The following MAX variants were observed in gnomAD, a reference collection of about 807,000 sequenced individuals.
MAX encodes protein max.
Under a neutral mutation model 22.3 loss-of-function variants are expected in MAX, and 3 were observed. The ratio of observed to expected loss-of-function variants is 0.13; its 90% confidence interval spans 0.06 to 0.35. The LOEUF (loss-of-function observed/expected upper bound fraction) is 0.35. Among genes scored for constraint, MAX ranks in the 10% least tolerant of loss-of-function variants. The pLI, the probability that MAX is intolerant of heterozygous loss-of-function variation, is 1.00. For missense variants in MAX, 119 were observed against 209.4 expected (o/e 0.57, Z 2.66); for synonymous variants, 72 against 77.7 (o/e 0.93, Z 0.39).
At chr14:65,066,784 C>T (rs1268841978) in intron 3 of MAX, among the ~76,000 whole-genome samples, 3 of 150,962 alleles carry the variant, frequency 2.0e-5, no homozygotes, top group Non-Finnish European at 4.4e-5. Flanking sequence ...ATCGCTTGAA[C>T]CCAGGAGGCA....
rs900130967 is a variant in MAX, at chr14:65,075,321, G to C, written c.*1155C>G. On this transcript the variant is annotated 3_prime_UTR_variant, in exon 5 of 5. Coordinates refer to ENST00000358664, the MANE Select transcript of MAX (RefSeq NM_002382.5). The surrounding 1 kb of genome is among the most constrained non-coding windows in gnomAD (Gnocchi z 4.1). ...GAGTAGGAAAAAGACAAAGAAATGAGGCCTAAACACACAAAACCCTTCACT... is the reference window on the plus strand; with the variant it reads ...GAGTAGGAAAAAGACAAAGAAATGACGCCTAAACACACAAAACCCTTCACT... 3 of 1,062,460 alleles carry C rather than the reference G, an allele frequency of 2.8e-6. No homozygotes were observed. Among genetic ancestry groups the C allele is most frequent in the Admixed American group, 1.1e-4 (2 of 18,640 alleles). The allele number at this position is 1,062,460 out of a possible 1,614,324, so 65.8% of individuals were successfully genotyped here. A position where few individuals can be genotyped will look rare whatever the true frequency, so the allele number is the denominator to read the frequency against.
intron 3 of MAX, among the ~76,000 whole-genome samples, chr14:65,050,725 G>C (rs980563569): frequency 7.2e-5 from 11 of 152,172 alleles, no homozygotes; most frequent in Non-Finnish European, 1.5e-4. Flanking sequence ...CTGCAGAGCA[G>C]GGCTACTCCA....
rs539569306 is a variant in MAX, at chr14:65,084,618, C to A, written c.172-6582G>T. ...GAGTCTATGGAAATGGCTACATATA[C>A]AGAGATGTCCATATTATAATTATAA... On this transcript the variant is annotated intron_variant, in intron 3 of 4. Coordinates refer to ENST00000358664, the MANE Select transcript of MAX (RefSeq NM_002382.5). The surrounding 1 kb of genome is among the most constrained non-coding windows in gnomAD (Gnocchi z 4.3). Among the ~76,000 whole-genome samples, 2 of 152,258 alleles carry A rather than the reference C, an allele frequency of 1.3e-5. No individual in the cohort carries two copies. The highest frequency in any genetic ancestry group is 2.4e-5 in the African/African-American group (1 of 41,562).
chr14:65,086,577 T>A (rs774897906), intron 3 of MAX, among the ~76,000 whole-genome samples: 12 of 152,202 alleles, frequency 7.9e-5, no homozygotes, highest in Non-Finnish European at 1.0e-4. Context: ...ACGCTAGAGA[T>A]AAGTGGAACT....
downstream of MAX, among the ~76,000 whole-genome samples, chr14:65,071,694 C>G (rs1264239764): frequency 6.6e-6 from 1 of 152,224 alleles, no homozygotes; most frequent in African/African-American, 2.4e-5. The surrounding 1 kb of genome is among the most constrained non-coding windows in gnomAD (Gnocchi z 4.2). Context: ...GACAGGCGGG[C>G]TCAGAGCCCC....
Position 65,031,409 on chromosome 14 carries a change from C to T in MAX, c.172-25125G>A, listed in dbSNP as rs2062079241. ...CTTGGCTCACTGCAACCCCCGCCTC[C>T]CGGGTTCAAGTGGTTCTCCTGCCTC... On this transcript the variant is annotated intron_variant, in intron 3 of 3. Transcript: ENST00000341653. This position sits in a 1 kb window ranked among gnomAD's most constrained non-coding sequence, Gnocchi z 4.6. Among the ~76,000 whole-genome samples, 1 of 151,520 alleles carries T rather than the reference C, an allele frequency of 6.6e-6. No individual in the cohort carries two copies.
chr14:65,097,831 A>G (rs1219493395), intron 2 of MAX, among the ~76,000 whole-genome samples: 1 of 152,246 alleles, frequency 6.6e-6, no homozygotes, highest in African/African-American at 2.4e-5. Context: ...ATAGGCAGGT[A>G]GGATGGGATA....
downstream of MAX, among the ~76,000 whole-genome samples, chr14:65,073,534 T>C (rs901808961): frequency 3.9e-4 from 59 of 152,314 alleles, no homozygotes; most frequent in African/African-American, 1.3e-3. Flanking sequence ...GACTCCTCAG[T>C]GAAGCCACCT....
Position 65,101,679 on chromosome 14 carries a change from G to C in MAX, c.37-107C>G, listed in dbSNP as rs755777605. On this transcript the variant is annotated intron_variant, in intron 1 of 4. Transcript: ENST00000358664. ...CGGCGGCAGAGGAAGCGGAGGGTGG[G>C]GAGTCAGCCCGACACCCCTTCCTCC... is the stretch of plus-strand genomic sequence containing the variant. The C allele has an allele frequency of 8.5e-5, 73 of 859,276 alleles. No individual in the cohort carries two copies. The South Asian group carries it at 1.0e-3, about 12-fold the overall frequency. 53.2% of individuals were successfully genotyped at this position (859,276 alleles called of 1,614,324 possible). A position where few individuals can be genotyped will look rare whatever the true frequency, so the allele number is the denominator to read the frequency against.
intron 2 of MAX, among the ~76,000 whole-genome samples, chr14:65,095,102 C>A (rs921842682): frequency 2.0e-5 from 3 of 152,196 alleles, no homozygotes; most frequent in Non-Finnish European, 4.4e-5. Context: ...ACTTGAAATT[C>A]TCCTGTTATT....
At position 65,044,733 on chromosome 14, in the gene MAX, G is replaced by GGAA. The variant is rs772524904; in HGVS notation, c.172-38452_172-38450dup. 92 of 417,866 alleles carry GGAA rather than the reference G, an allele frequency of 2.2e-4. No individual in the cohort carries two copies. In the South Asian group the frequency reaches 2.7e-3, roughly 12 times the overall value. The allele number at this position is 417,866 out of a possible 1,614,324, so 25.9% of individuals were successfully genotyped here. Reference sequence around the variant, plus strand: ...AGTGGGCGCTGCTTCTGCGTTATCTGGAAGGAGCAGCCCACTCCTGTCCTG... The same window carrying GGAA: ...AGTGGGCGCTGCTTCTGCGTTATCTGGAAGAAGGAGCAGCCCACTCCTGTCCTG... On this transcript the variant is annotated intron_variant, in intron 3 of 3. Coordinates refer to the MAX transcript ENST00000341653. The surrounding 1 kb of genome is among the most constrained non-coding windows in gnomAD (Gnocchi z 5.5).
chr14:65,015,294 G>C (rs981652767), intron 3 of MAX, among the ~76,000 whole-genome samples: 11 of 151,664 alleles, frequency 7.3e-5, no homozygotes, highest in African/African-American at 2.2e-4. Flanking sequence ...ATAGAGACAG[G>C]GTTTCGCCAT....
intron 3 of MAX, among the ~76,000 whole-genome samples, chr14:65,034,794 A>G (rs1207446868): frequency 6.6e-6 from 1 of 152,032 alleles, no homozygotes; most frequent in Non-Finnish European, 1.5e-5. Context: ...TGTGTCCTGG[A>G]GTTGGCATGT....
intron 3 of MAX, among the ~76,000 whole-genome samples, chr14:65,024,858 A>G (rs572319148): frequency 3.2e-4 from 49 of 152,276 alleles, no homozygotes; most frequent in African/African-American, 1.1e-3. Flanking sequence ...GCTTCAAGCA[A>G]TCCTCCTGCC....
intron 3 of MAX, among the ~76,000 whole-genome samples, chr14:65,081,398 C>G (rs1222856733): frequency 6.6e-6 from 1 of 152,188 alleles, no homozygotes; most frequent in African/African-American, 2.4e-5. Context: ...CAATCCTCCC[C>G]TCCCATCTTT....
rs1241751062 is a variant in MAX, at chr14:65,075,228, A to G, written c.*1248T>C. 12 of 1,054,424 alleles carry G rather than the reference A, an allele frequency of 1.1e-5. No individual in the cohort carries two copies. Among genetic ancestry groups the G allele is most frequent in the African/African-American group, 5.0e-5 (3 of 60,334 alleles). 65.3% of individuals were successfully genotyped at this position (1,054,424 alleles called of 1,614,324 possible). On this transcript the variant is annotated 3_prime_UTR_variant, in exon 5 of 5. Coordinates refer to ENST00000358664, the MANE Select transcript of MAX (RefSeq NM_002382.5). This position sits in a 1 kb window ranked among gnomAD's most constrained non-coding sequence, Gnocchi z 4.1. ...TATGTACAACATACTTTTTATTTCCATGGAATGGAATCAAACACGAACTGA... is the reference window on the plus strand; with the variant it reads ...TATGTACAACATACTTTTTATTTCCGTGGAATGGAATCAAACACGAACTGA...
chr14:65,054,724 AC>A lies in MAX; in HGVS notation c.171+38983del. 2.5e-6 allele frequency: 4 copies of A among 1,572,962 alleles called. No homozygotes were observed. The highest frequency in any genetic ancestry group is 3.5e-6 in the Non-Finnish European group (4 of 1,156,758). On this transcript the variant is annotated intron_variant, in intron 3 of 3. Coordinates refer to the MAX transcript ENST00000341653. The surrounding 1 kb of genome is among the most constrained non-coding windows in gnomAD (Gnocchi z 4.4). ...GTGCAGGGCTTCACACCCCTTCTCC[AC>A]AGGGACCTCGCGGACAGAAGGCTTT...
chr14:65,058,370 CTAA>C (rs984649522), intron 3 of MAX, among the ~76,000 whole-genome samples: 7 of 151,716 alleles, frequency 4.6e-5, no homozygotes, highest in African/African-American at 1.7e-4. Context: ...TATAGAAATG[CTAA>C]TAATATTTAT....
Position 65,009,197 on chromosome 14 carries a change from T to C in MAX, c.172-2913A>G, listed in dbSNP as rs993380282. Among the ~76,000 whole-genome samples, 1 of 152,202 alleles carries C rather than the reference T, an allele frequency of 6.6e-6. No individual in the cohort carries two copies. Among genetic ancestry groups the C allele is most frequent in the Non-Finnish European group, 1.5e-5 (1 of 68,036 alleles). On this transcript the variant is annotated intron_variant, in intron 3 of 3. Coordinates refer to the MAX transcript ENST00000341653. The surrounding 1 kb of genome is among the most constrained non-coding windows in gnomAD (Gnocchi z 4.2). ...GTCAGCTTGGGCTGCCATAAGACGG[T>C]ATCACAGATGGGGTGCATTAAACCA...
Sources: gnomAD v4.1 joint callset for allele counts (sites outside exome capture counted in the v4.1 genomes callset) on GRCh38, gnomAD v4.1.1 for gene constraint, Gnocchi (gnomAD v3.1) non-coding constraint, MANE v1.5 for transcripts, NCBI Gene and HGNC (gene_info 2026-07-23, HGNC 2026-07-21) for gene names.